GLUL: variants seen among roughly 807,000 people sequenced by gnomAD.
GLUL encodes glutamine synthetase.
Under a neutral mutation model 36.9 loss-of-function variants are expected in GLUL, and 8 were observed. The observed-to-expected ratio is 0.22, with a 90% confidence interval of 0.13 to 0.39. GLUL has a LOEUF of 0.39. Among genes scored for constraint, GLUL ranks in the 10% least tolerant of loss-of-function variants. The pLI is 1.00. For missense variants in GLUL, 315 were observed against 501.8 expected, an observed-to-expected ratio of 0.63 and a Z score of 3.56; for synonymous variants, 182 against 172.8, an observed-to-expected ratio of 1.05 and a Z score of -0.42.
chr1:182,387,192 G>T lies in GLUL; in HGVS notation c.267C>A (p.Phe89Leu). 1.2e-6 allele frequency: 2 copies of T among 1,613,590 alleles called. No individual in the cohort carries two copies. The highest frequency in any genetic ancestry group is 1.7e-6 in the Non-Finnish European group (2 of 1,179,520). Residue 89 changes from phenylalanine (F) to leucine (L), a missense_variant, in exon 3 of 7, where the codon TTC becomes TTA. By Grantham distance (22) the Phe-to-Leu change is conservative. Around this residue, in one of 3 missense-constraint regions of GLUL, gnomAD observed 256 missense variants for 396.1 expected, o/e 0.65. Transcript: ENST00000331872. ...ACACCAGCTTGTTAGGGTCCTTACG[G>T]AAGGGGTCCCGAAACATGGCAGCAG... ...LVPAAMFRDP[F>L]RKDPNKLVLC...
intron 3 of GLUL, chr1:182,386,895 A>C (rs1650205767): frequency 1.7e-6 from 1 of 580,454 alleles, no homozygotes; most frequent in Non-Finnish European, 3.1e-6. Context: ...CAAGACCGGC[A>C]AACAGATCTG....
chr1:182,385,691 C>A, intron 5 of GLUL, 69 bp downstream of exon 5: 1 of 1,587,722 alleles, frequency 6.3e-7, no homozygotes. Flanking sequence ...GTATCAGCAG[C>A]CCTTACTAGC....
chr1:182,382,741 T>TA lies in GLUL; in HGVS notation c.*1663dup, dbSNP rs891670198. 21 of 152,172 alleles carry TA rather than the reference T, an allele frequency of 1.4e-4. No individual in the cohort carries two copies. Among genetic ancestry groups the TA allele is most frequent in the African/African-American group, 5.1e-4 (21 of 41,516 alleles). The allele number at this position is 152,172 out of a possible 1,614,324, so 9.4% of individuals were successfully genotyped here. On this transcript the variant is annotated 3_prime_UTR_variant, in exon 7 of 7. Coordinates refer to ENST00000331872, the MANE Select transcript of GLUL (RefSeq NM_001033044.4). ...TCCCTTAAGTCCCAAATACCCAACT[T>TA]AGAGAGGTACAGGAAACGGCTGGTC...
chr1:182,390,587 G>C (rs1048194746), intron 1 of GLUL: 1 of 399,030 alleles, frequency 2.5e-6, no homozygotes, highest in African/African-American at 2.1e-5. Flanking sequence ...CTCTTTCTCA[G>C]ACTCTAGCTG....
rs748570629 is a variant in GLUL at position 182,384,727 on chromosome 1, G to C, written c.804-4C>G. 7 of 1,612,226 alleles carry C rather than the reference G, an allele frequency of 4.3e-6. No homozygotes were observed. The South Asian group carries it at 7.7e-5, about 18-fold the overall frequency. Reference sequence around the variant, plus strand: ...CTCAATGGCCTCCTCGATGTACCTAGAGTAAACAGAAAAGATGGCAGTCCA... The same window carrying C: ...CTCAATGGCCTCCTCGATGTACCTACAGTAAACAGAAAAGATGGCAGTCCA... On this transcript the variant is annotated splice_polypyrimidine_tract_variant and splice_region_variant and intron_variant, in intron 6 of 6. Transcript: ENST00000331872.
intron 2 of GLUL, among the ~76,000 whole-genome samples, chr1:182,388,348 T>C (rs1393247090): frequency 6.6e-6 from 1 of 152,182 alleles, no homozygotes; most frequent in Non-Finnish European, 1.5e-5. Context: ...TTCAATACAC[T>C]GGCCTACGTG....
intron 3 of GLUL, 167 bp from the exon 4 acceptor site, chr1:182,386,569 G>A: frequency 1.4e-6 from 1 of 703,096 alleles, no homozygotes. Context: ...AGAAAAATGA[G>A]AGAAGCTGTT....
In GLUL at chr1:182,386,359, C is replaced by T. The variant is rs889256084; in HGVS notation, c.372G>A (p.Val124=). 3 of 1,612,712 alleles carry T rather than the reference C, an allele frequency of 1.9e-6. No homozygotes were observed. Among genetic ancestry groups the T allele is most frequent in the South Asian group, 1.1e-5 (1 of 91,060 alleles). The change falls in exon 4 of 7, where the codon GTG becomes GTA. Residue 124 remains valine (V), a synonymous_variant. Coordinates refer to ENST00000331872, the MANE Select transcript of GLUL (RefSeq NM_001033044.4). Reference sequence around the variant, plus strand: ...TGCCAAACCAGGGGTGCTGGTTGCTCACCATGTCCATTATCCGTTTACAGG... The same window carrying T: ...TGCCAAACCAGGGGTGCTGGTTGCTTACCATGTCCATTATCCGTTTACAGG... The part of the protein sequence containing the change: ...RHTCKRIMDM[V]SNQHPWFGME...
rs1162842199 is a variant in GLUL at position 182,383,368 on chromosome 1, A to G, written c.*1037T>C. On this transcript the variant is annotated 3_prime_UTR_variant, in exon 7 of 7. Transcript: ENST00000331872. ...ATTCCTACCAGAAAATAACCCCAAT[A>G]CCCCCTCTGTCAGTAACATGCTCAA... 6.6e-6 allele frequency: 1 copy of G among 151,922 alleles called. No homozygotes were observed. Among genetic ancestry groups the G allele is most frequent in the East Asian group, 1.9e-4 (1 of 5,188 alleles). 9.4% of individuals were successfully genotyped at this position (151,922 alleles called of 1,614,324 possible).
At position 182,379,440 on chromosome 1, in the gene GLUL, C is replaced by G. The variant is rs1297462119; in HGVS notation, c.*4965G>C. Among the ~76,000 whole-genome samples the G allele has an allele frequency of 1.3e-5, 2 of 152,120 alleles. No homozygotes were observed. The highest frequency in any genetic ancestry group is 2.9e-5 in the Non-Finnish European group (2 of 68,026). On this transcript the variant is annotated 3_prime_UTR_variant, in exon 7 of 7. Coordinates refer to ENST00000331872, the MANE Select transcript of GLUL (RefSeq NM_001033044.4). ...GTTTCACCATGTTGGCCACGCTGGT[C>G]TCGAACTCCTGAACTCAGGTGATCC...
Position 182,381,366 on chromosome 1 carries a change from T to A in GLUL, c.*3039A>T, listed in dbSNP as rs903337055. The stretch of plus-strand genomic sequence containing the variant: ...TGTTATTTAGTACCTGGCAAGATGA[T>A]ATTAGGGGAACTCATATTTAAGGAG... On this transcript the variant is annotated 3_prime_UTR_variant, in exon 7 of 7. Coordinates refer to ENST00000331872, the MANE Select transcript of GLUL (RefSeq NM_001033044.4). Among the ~76,000 whole-genome samples the A allele has an allele frequency of 6.6e-6, 1 of 152,200 alleles. No homozygotes were observed. The highest frequency in any genetic ancestry group is 1.5e-5 in the Non-Finnish European group (1 of 68,028).
chr1:182,389,516 T>C (rs536915433), intron 1 of GLUL: 70 of 151,460 alleles, frequency 4.6e-4, no homozygotes, highest in African/African-American at 1.7e-3. Context: ...CTTAAGATAG[T>C]GGGCAAGAAT....
Position 182,386,279 on chromosome 1 carries a change from G to A in GLUL, c.452C>T (p.Ser151Phe). Residue 151 changes from serine to phenylalanine, a missense_variant, in exon 4 of 7, where the codon TCC becomes TTC. By Grantham distance (155) the Ser-to-Phe change is radical. Transcript: ENST00000331872. ...ACCCTGGGGCCCTGGGAAGCCGTTG[G>A]AAGGCCAACCAAAGGGGTGCCCATC... ...GTDGHPFGWP[S>F]NGFPGPQGPY... The A allele has an allele frequency of 6.2e-7, 1 of 1,613,664 alleles. No homozygotes were observed. The highest frequency in any genetic ancestry group is 8.5e-7 in the Non-Finnish European group (1 of 1,179,774).
rs186458814 is a variant in GLUL at position 182,385,180 on chromosome 1, A to G, written c.803+177T>C. 3.7e-3 allele frequency: 2,294 copies of G among 624,368 alleles called. 6 individuals carry two copies. The highest frequency in any genetic ancestry group is 5.6e-3 in the Non-Finnish European group (1,952 of 348,502). The allele number at this position is 624,368 out of a possible 1,614,324, so 38.7% of individuals were successfully genotyped here. A position where few individuals can be genotyped will look rare whatever the true frequency, so the allele number is the denominator to read the frequency against. Reference sequence around the variant, plus strand: ...TTTCAAATAGGAACAAAATGAGAGAATGTGAAGGCAAGTGTCAACACCTAA... The same window carrying G: ...TTTCAAATAGGAACAAAATGAGAGAGTGTGAAGGCAAGTGTCAACACCTAA... On this transcript the variant is annotated intron_variant, in intron 6 of 6. Transcript: ENST00000331872.
intron 3 of GLUL, 164 bp from the exon 4 acceptor site, chr1:182,386,566 TGA>T: frequency 1.4e-6 from 1 of 704,334 alleles, no homozygotes. Context: ...GTCAGAAAAA[TGA>T]GAGAAGCTGT....
intron 6 of GLUL, 77 bp downstream of exon 6, chr1:182,385,280 T>G: frequency 9.1e-7 from 1 of 1,099,862 alleles, no homozygotes; most frequent in Non-Finnish European, 1.4e-6. Context: ...AAGGAGACTT[T>G]GCTGAGAGAT....
intron 4 of GLUL, 50 bp from the exon 5 acceptor site, chr1:182,385,937 C>T (rs1650161025): frequency 1.3e-6 from 2 of 1,590,088 alleles, no homozygotes; most frequent in Non-Finnish European, 1.7e-6. Flanking sequence ...TCCAGAGAAT[C>T]CCAAAGTCAG....
chr1:182,384,053 G>T lies in GLUL; in HGVS notation c.*352C>A. 1 of 319,292 alleles carries T rather than the reference G, an allele frequency of 3.1e-6. No homozygotes were observed. Among genetic ancestry groups the T allele is most frequent in the South Asian group, 2.9e-5 (1 of 34,332 alleles). The allele number at this position is 319,292 out of a possible 1,614,324, so 19.8% of individuals were successfully genotyped here. On this transcript the variant is annotated 3_prime_UTR_variant, in exon 7 of 7. Transcript: ENST00000331872. ...TCAGGTCTTCCCCTTTCAGCTACCT[G>T]GAAGAAGAGACCCCCTTCTGCAAAC...
In GLUL at chr1:182,384,671, G is replaced by A. The variant is rs776102116; in HGVS notation, c.856C>T (p.Arg286Cys). Residue 286 changes from arginine to cysteine, a missense_variant, in exon 7 of 7, where the codon CGT becomes TGT. By Grantham distance (180) the Arg-to-Cys change is radical. Around this residue, in one of 3 missense-constraint regions of GLUL, gnomAD observed 256 missense variants for 396.1 expected, o/e 0.65. Transcript: ENST00000331872. ...KLSKRHQYHI[R>C]AYDPKGGLDN... ...AGGCCTCCCTTGGGATCATAGGCAC[G>A]GATGTGGTACTGGTGCCGCTTGCTT... The A allele has an allele frequency of 1.2e-5, 20 of 1,613,990 alleles. No individual in the cohort carries two copies. The highest frequency in any genetic ancestry group is 1.6e-4 in the Middle Eastern group (1 of 6,084).
Sources: gnomAD v4.1 joint callset for allele counts (sites outside exome capture counted in the v4.1 genomes callset) on GRCh38, gnomAD v4.1.1 for gene constraint, gnomAD v4.1.1 regional missense constraint, MANE v1.5 for transcripts, NCBI Gene and HGNC (gene_info 2026-07-23, HGNC 2026-07-21) for gene names.